PLCB4: variants seen among roughly 807,000 people sequenced by gnomAD.
PLCB4 encodes 1-phosphatidylinositol 4,5-bisphosphate phosphodiesterase beta-4.
In PLCB4, 77 loss-of-function variants were observed where a neutral mutation model predicts 178.8. The ratio of observed to expected loss-of-function variants is 0.43; its 90% CI spans 0.36 to 0.52. The LOEUF (loss-of-function observed/expected upper bound fraction) is 0.52, where lower values mean the gene tolerates loss of function less well. PLCB4 is among the 20% of genes least tolerant of loss of function. PLCB4 has a pLI of 0.00. For missense variants in PLCB4, 1,024 were observed against 1,453.4 expected (o/e 0.70, Z 4.80); for synonymous variants, 496 against 490.8 (o/e 1.01, Z -0.14).
At chr20:9,369,894 G>C (rs1193683955) in intron 9 of PLCB4, among the ~76,000 whole-genome samples, 1 of 152,220 alleles carries the variant, frequency 6.6e-6, no homozygotes, top group Non-Finnish European at 1.5e-5. Context: ...GCATTCCAAA[G>C]CCAGCCCTCA....
intron 2 of PLCB4, among the ~76,000 whole-genome samples, chr20:9,115,859 T>C (rs2146717836): frequency 6.6e-6 from 1 of 152,174 alleles, no homozygotes; most frequent in East Asian, 1.9e-4. Context: ...ATATTTTAAG[T>C]ATGATTTTAG....
In PLCB4 at chr20:9,479,600, T is replaced by C. The variant is rs752568109; in HGVS notation, c.*591T>C. The C allele has an allele frequency of 1.3e-5, 2 of 153,652 alleles. No homozygotes were observed. Among genetic ancestry groups the C allele is most frequent in the Non-Finnish European group, 2.9e-5 (2 of 68,788 alleles). The allele number at this position is 153,652 out of a possible 1,614,324, so 9.5% of individuals were successfully genotyped here. ...AGAACAATAGAAAAATAGAGCAGTG[T>C]ATGTGTGCCAAAACTCATCATTACT... On this transcript the variant is annotated 3_prime_UTR_variant, in exon 40 of 40. Coordinates refer to ENST00000378473, the MANE Select transcript of PLCB4 (RefSeq NM_001377142.1).
intron 2 of PLCB4, among the ~76,000 whole-genome samples, chr20:9,128,099 C>T (rs1272605134): frequency 5.3e-5 from 8 of 152,102 alleles, no homozygotes; most frequent in African/African-American, 1.2e-4. Flanking sequence ...ATCATGGGCA[C>T]GGATCCCTCA....
At chr20:9,084,419 T>C (rs1333829879) in intron 1 of PLCB4, among the ~76,000 whole-genome samples, 1 of 152,192 alleles carries the variant, frequency 6.6e-6, no homozygotes, top group Non-Finnish European at 1.5e-5. Context: ...AAAATAAAAA[T>C]GGTTTTGGCT....
At chr20:9,292,961 C>A (rs948748066) in intron 3 of PLCB4, among the ~76,000 whole-genome samples, 1 of 152,112 alleles carries the variant, frequency 6.6e-6, no homozygotes, top group Non-Finnish European at 1.5e-5. Context: ...CACGTGTAAT[C>A]CCAGCAGCTC....
At chr20:9,085,968 A>G (rs2090391869) in intron 1 of PLCB4, among the ~76,000 whole-genome samples, 1 of 152,198 alleles carries the variant, frequency 6.6e-6, no homozygotes, top group Admixed American at 6.5e-5. Flanking sequence ...TATAACCACA[A>G]AACAGTGGAA....
At chr20:9,439,036 T>G (rs566148499) in intron 30 of PLCB4, among the ~76,000 whole-genome samples, 8 of 152,182 alleles carry the variant, frequency 5.3e-5, no homozygotes, top group African/African-American at 1.9e-4. Flanking sequence ...GAATGATGAG[T>G]GAATAGAAGT....
intron 1 of PLCB4, among the ~76,000 whole-genome samples, chr20:9,091,099 C>G (rs56201978): frequency 6.6e-6 from 1 of 152,026 alleles, no homozygotes; most frequent in Admixed American, 6.6e-5. Context: ...GTAAATGTGA[C>G]AGGAGAGCTG....
chr20:9,219,729 T>C (rs1173734740), intron 3 of PLCB4, among the ~76,000 whole-genome samples: 1 of 152,184 alleles, frequency 6.6e-6, no homozygotes, highest in East Asian at 1.9e-4. Context: ...TTGTGAGTTG[T>C]TTTTAAAACA....
At chr20:9,128,573 CG>C in intron 2 of PLCB4, among the ~76,000 whole-genome samples, 1 of 152,182 alleles carries the variant, frequency 6.6e-6, no homozygotes, top group Non-Finnish European at 1.5e-5. Flanking sequence ...TTAGTAGAAA[CG>C]GGGTTTCGCC....
chr20:9,290,929 T>C (rs117850917), intron 3 of PLCB4, among the ~76,000 whole-genome samples: 139 of 152,230 alleles, frequency 9.1e-4, no homozygotes, highest in South Asian at 8.9e-3. Context: ...ATCTGTATTT[T>C]ACAGACAAGG....
intron 32 of PLCB4, among the ~76,000 whole-genome samples, chr20:9,447,389 AAC>A (rs374191449): frequency 2.2e-4 from 34 of 152,222 alleles, no homozygotes; most frequent in African/African-American, 7.0e-4. Context: ...GCCTCTGTTA[AAC>A]CACTTCCTCT....
chr20:9,208,558 G>A (rs951298578), intron 2 of PLCB4, among the ~76,000 whole-genome samples: 2 of 146,944 alleles, frequency 1.4e-5, no homozygotes, highest in Non-Finnish European at 3.0e-5. Flanking sequence ...CTTTTTTTCT[G>A]AGACAGGGTC....
intron 2 of PLCB4, among the ~76,000 whole-genome samples, chr20:9,132,964 A>G (rs982219021): frequency 5.9e-5 from 9 of 152,068 alleles, no homozygotes; most frequent in Admixed American, 4.6e-4. Context: ...CCATCCCACA[A>G]TGCCCAGGAC....
At chr20:9,381,669 G>A (rs985479493) in intron 13 of PLCB4, among the ~76,000 whole-genome samples, 5 of 152,182 alleles carry the variant, frequency 3.3e-5, no homozygotes, top group South Asian at 2.1e-4. Flanking sequence ...AAATTTTAAC[G>A]TCTGTCATTT....
At chr20:9,215,024 A>G (rs1472329199) in intron 2 of PLCB4, among the ~76,000 whole-genome samples, 1 of 152,160 alleles carries the variant, frequency 6.6e-6, no homozygotes, top group East Asian at 1.9e-4. Flanking sequence ...AACGAGGAGC[A>G]TGGTATGGCA....
At chr20:9,126,053 G>T (rs1006145378) in intron 2 of PLCB4, among the ~76,000 whole-genome samples, 3 of 151,988 alleles carry the variant, frequency 2.0e-5, no homozygotes, top group African/African-American at 7.2e-5. Context: ...AGTAAAGACA[G>T]TAATGGGATT....
At chr20:9,158,394 T>C (rs2092825754) in intron 2 of PLCB4, among the ~76,000 whole-genome samples, 1 of 151,808 alleles carries the variant, frequency 6.6e-6, no homozygotes, top group South Asian at 2.1e-4. Context: ...GCCTCCCAAG[T>C]AGCTGAGACT....
intron 2 of PLCB4, among the ~76,000 whole-genome samples, chr20:9,190,998 G>T (rs990177760): frequency 2.0e-5 from 3 of 152,234 alleles, no homozygotes; most frequent in Admixed American, 1.3e-4. Flanking sequence ...CCAGTATGAA[G>T]TAATAGTATA....
Sources: allele counts gnomAD v4.1 joint callset (sites outside exome capture counted in the v4.1 genomes callset), GRCh38; gene constraint gnomAD v4.1.1; transcripts MANE v1.5; gene names NCBI Gene and HGNC (gene_info 2026-07-23, HGNC 2026-07-21).